The following CAMTA1 variants were observed in gnomAD, a reference collection of about 807,000 sequenced individuals.
The protein encoded by CAMTA1 is calmodulin-binding transcription activator 1.
In CAMTA1, 27 loss-of-function variants were observed where a neutral mutation model predicts 170.9. That is an observed-to-expected ratio of 0.16 (90% CI 0.12 to 0.22). The LOEUF (loss-of-function observed/expected upper bound fraction) is 0.22, where lower values mean the gene tolerates loss of function less well. Among genes scored for constraint, CAMTA1 ranks in the 10% least tolerant of loss-of-function variants. The pLI, the probability that CAMTA1 is intolerant of heterozygous loss-of-function variation, is 1.00. For synonymous variants in CAMTA1, 833 were observed against 891.5 expected (o/e 0.93, Z 1.17); for missense variants, 1,619 against 2,217.2 (o/e 0.73, Z 5.42).
chr1:7,231,762 C>T (rs1662883431), intron 4 of CAMTA1, among the ~76,000 whole-genome samples: 1 of 152,198 alleles, frequency 6.6e-6, no homozygotes, highest in Admixed American at 6.5e-5. Context: ...CCAAGCGCAG[C>T]CTCCCTCGGG....
chr1:6,819,895 A>G (rs924556639), intron 1 of CAMTA1, among the ~76,000 whole-genome samples: 1 of 152,228 alleles, frequency 6.6e-6, no homozygotes, highest in African/African-American at 2.4e-5. Context: ...CAGTTGATCC[A>G]GCAATGGCCT....
At chr1:7,678,622 G>A (rs552981347) in intron 11 of CAMTA1, among the ~76,000 whole-genome samples, 35 of 152,320 alleles carry the variant, frequency 2.3e-4, no homozygotes, top group African/African-American at 8.2e-4. Context: ...CAAGGCCTGG[G>A]GGGCTGAGCC....
intron 6 of CAMTA1, among the ~76,000 whole-genome samples, chr1:7,490,014 G>T (rs1347541001): frequency 6.6e-6 from 1 of 152,200 alleles, no homozygotes. Context: ...GATCTCACAG[G>T]CCTGCTCTGT....
rs944145284 is a variant in CAMTA1 at position 7,388,276 on chromosome 1, C to T, written c.439-79554C>T. 6.6e-5 allele frequency: 10 copies of T among 152,314 alleles called. 1 individual carries two copies. The highest frequency in any genetic ancestry group is 2.4e-4 in the African/African-American group (10 of 41,462). The allele number at this position is 152,314 out of a possible 1,614,324, so 9.4% of individuals were successfully genotyped here. A position where few individuals can be genotyped will look rare whatever the true frequency, so the allele number is the denominator to read the frequency against. On this transcript the variant is annotated intron_variant, in intron 5 of 22. Transcript: ENST00000303635. ...AGAGCTGCAAACACGCCTTGCTCCT[C>T]TGAGGTCAGCCCATGCCGGCTGCCC...
intron 6 of CAMTA1, among the ~76,000 whole-genome samples, chr1:7,493,185 A>C (rs2093756577): frequency 6.7e-6 from 1 of 149,990 alleles, no homozygotes; most frequent in Non-Finnish European, 1.5e-5. Flanking sequence ...ACAAATACAA[A>C]CACGCACACA....
chr1:7,621,265 A>G (rs61268717), intron 6 of CAMTA1, among the ~76,000 whole-genome samples: 1,795 of 151,908 alleles, frequency 0.012, 43 homozygotes, highest in African/African-American at 0.04. Flanking sequence ...CTCTGGGAGG[A>G]CCCCCCATGG....
intron 7 of CAMTA1, among the ~76,000 whole-genome samples, chr1:7,646,314 T>C (rs1388738477): frequency 8.3e-5 from 12 of 144,934 alleles, no homozygotes; most frequent in African/African-American, 3.1e-4. Flanking sequence ...GTGGAGGCCC[T>C]GGTGAGTTGG....
intron 3 of CAMTA1, among the ~76,000 whole-genome samples, chr1:7,074,505 A>C (rs1418580973): frequency 1.3e-5 from 2 of 152,224 alleles, no homozygotes; most frequent in African/African-American, 2.4e-5. Context: ...ATTTGCTTCC[A>C]ATACTTTTAT....
At chr1:7,353,425 TTC>T (rs1192254636) in intron 5 of CAMTA1, among the ~76,000 whole-genome samples, 1 of 83,388 alleles carries the variant, frequency 1.2e-5, no homozygotes, top group African/African-American at 5.9e-5. Flanking sequence ...TTTTTTTTCT[TTC>T]TCTCTTTTTT....
At chr1:7,445,933 G>T (rs760791325) in intron 5 of CAMTA1, among the ~76,000 whole-genome samples, 1 of 152,066 alleles carries the variant, frequency 6.6e-6, no homozygotes, top group Non-Finnish European at 1.5e-5. Flanking sequence ...CAAAGACCTG[G>T]GTCCCATCTG....
chr1:7,401,009 G>A (rs186090509), intron 5 of CAMTA1, among the ~76,000 whole-genome samples: 13 of 152,204 alleles, frequency 8.5e-5, no homozygotes, highest in Admixed American at 2.0e-4. Flanking sequence ...CAAAGAATAG[G>A]TGTTCTTAAT....
intron 6 of CAMTA1, among the ~76,000 whole-genome samples, chr1:7,624,496 C>T (rs577157619): frequency 1.3e-5 from 2 of 152,310 alleles, no homozygotes; most frequent in East Asian, 1.9e-4. Flanking sequence ...TGCAGAAGTA[C>T]CCAGAAAGGC....
At chr1:7,105,938 T>TC (rs900518337) in intron 4 of CAMTA1, among the ~76,000 whole-genome samples, 4 of 121,692 alleles carry the variant, frequency 3.3e-5, no homozygotes, top group African/African-American at 1.2e-4. Flanking sequence ...AGACCATGTC[T>TC]CAAAAAAAAA....
intron 8 of CAMTA1, among the ~76,000 whole-genome samples, 189 bp downstream of exon 8, chr1:7,662,055 G>A (rs1049460072): frequency 6.6e-6 from 1 of 152,238 alleles, no homozygotes; most frequent in Non-Finnish European, 1.5e-5. Context: ...GTCCTGCCCT[G>A]CAACTGGCTG....
intron 5 of CAMTA1, among the ~76,000 whole-genome samples, chr1:7,453,933 C>G (rs1367451626): frequency 1.3e-5 from 2 of 152,312 alleles, no homozygotes; most frequent in South Asian, 4.1e-4. Flanking sequence ...CTGCAGCAGG[C>G]GTGTTGGGTT....
chr1:7,352,456 G>A (rs1260105454), intron 5 of CAMTA1, among the ~76,000 whole-genome samples: 10 of 152,178 alleles, frequency 6.6e-5, no homozygotes, highest in African/African-American at 1.4e-4. Flanking sequence ...ACATCTTGTC[G>A]GGTTATTAAC....
intron 6 of CAMTA1, among the ~76,000 whole-genome samples, chr1:7,578,873 C>A (rs1303959312): frequency 3.3e-5 from 5 of 152,162 alleles, no homozygotes; most frequent in Admixed American, 3.3e-4. Context: ...TTAAGTCCCC[C>A]AAAACTGTTG....
At chr1:7,604,966 A>G (rs11583877) in intron 6 of CAMTA1, among the ~76,000 whole-genome samples, 29,923 of 152,160 alleles carry the variant, frequency 0.2, 3,863 homozygotes, top group African/African-American at 0.36. Context: ...GTTTGCCTGG[A>G]TATCAGCAGT....
At chr1:7,697,427 C>G (rs2096388424) in intron 11 of CAMTA1, among the ~76,000 whole-genome samples, 1 of 152,250 alleles carries the variant, frequency 6.6e-6, no homozygotes, top group African/African-American at 2.4e-5. Flanking sequence ...TCAGGGCCAT[C>G]TGACATTGCA....
Sources: gnomAD v4.1 joint callset for allele counts (sites outside exome capture counted in the v4.1 genomes callset) on GRCh38, gnomAD v4.1.1 for gene constraint, MANE v1.5 for transcripts, NCBI Gene and HGNC (gene_info 2026-07-23, HGNC 2026-07-21) for gene names.